The following MYRIP variants were observed in gnomAD, a reference collection of about 807,000 sequenced individuals.
MYRIP encodes rab effector MyRIP.
A neutral mutation model predicts 98.0 loss-of-function variants in MYRIP; 49 were observed. That is an observed-to-expected ratio of 0.50 (90% CI 0.40 to 0.63). MYRIP has a LOEUF of 0.63. Among genes scored for constraint, MYRIP ranks in the 30% least tolerant of loss-of-function variants. The pLI, the probability that MYRIP is intolerant of heterozygous loss-of-function variation, is 0.00. For missense variants in MYRIP, 1,004 were observed against 1,058.2 expected, an observed-to-expected ratio of 0.95 and a Z score of 0.71; for synonymous variants, 404 against 409.5, an observed-to-expected ratio of 0.99 and a Z score of 0.16.
At chr3:40,070,084 C>T (rs554395458) in intron 3 of MYRIP, among the ~76,000 whole-genome samples, 13 of 152,162 alleles carry the variant, frequency 8.5e-5, no homozygotes, top group African/African-American at 3.1e-4. Context: ...GTGAATGACA[C>T]AATTTCAGAC....
intron 3 of MYRIP, among the ~76,000 whole-genome samples, chr3:40,075,651 C>T (rs1030385197): frequency 4.6e-5 from 7 of 151,950 alleles, no homozygotes; most frequent in African/African-American, 1.7e-4. Flanking sequence ...AATAATCTTT[C>T]AGTAAATATT....
chr3:40,129,387 G>C (rs1232262239), intron 3 of MYRIP, among the ~76,000 whole-genome samples: 1 of 129,364 alleles, frequency 7.7e-6, no homozygotes, highest in African/African-American at 3.0e-5. Flanking sequence ...GTTGCAGTGA[G>C]CCGAGATAAA....
At chr3:40,077,490 C>A (rs1948373036) in intron 3 of MYRIP, among the ~76,000 whole-genome samples, 1 of 152,186 alleles carries the variant, frequency 6.6e-6, no homozygotes, top group South Asian at 2.1e-4. Context: ...CAAGGCCCCA[C>A]CAGATTAGCT....
intron 3 of MYRIP, among the ~76,000 whole-genome samples, chr3:40,049,477 G>T (rs1314197903): frequency 6.6e-6 from 1 of 151,958 alleles, no homozygotes; most frequent in Non-Finnish European, 1.5e-5. Context: ...TATAAGACAG[G>T]ACAAACTTAA....
At chr3:40,122,497 A>G (rs1401544422) in intron 3 of MYRIP, among the ~76,000 whole-genome samples, 4 of 151,788 alleles carry the variant, frequency 2.6e-5, no homozygotes, top group Non-Finnish European at 5.9e-5. Context: ...CCAGATTATC[A>G]TAAAGATAAT....
intron 2 of MYRIP, among the ~76,000 whole-genome samples, chr3:39,935,199 A>G (rs1038168364): frequency 4.6e-5 from 7 of 152,202 alleles, no homozygotes; most frequent in Non-Finnish European, 8.8e-5. Context: ...TACAGGGTTC[A>G]GGGACGGGGC....
At chr3:40,219,213 C>G (rs1165299640) in intron 11 of MYRIP, among the ~76,000 whole-genome samples, 2 of 152,056 alleles carry the variant, frequency 1.3e-5, no homozygotes, top group Non-Finnish European at 2.9e-5. Flanking sequence ...AAAGAAGCTA[C>G]ACAATTACTA....
intron 2 of MYRIP, among the ~76,000 whole-genome samples, chr3:39,995,628 A>G (rs900830151): frequency 3.6e-4 from 55 of 152,340 alleles, no homozygotes; most frequent in East Asian, 3.9e-4. Flanking sequence ...TATTATACAG[A>G]AGAACTTCCC....
At chr3:40,052,672 C>G (rs1947815558) in intron 3 of MYRIP, among the ~76,000 whole-genome samples, 1 of 152,036 alleles carries the variant, frequency 6.6e-6, no homozygotes, top group Non-Finnish European at 1.5e-5. Flanking sequence ...GTTTGAAAAC[C>G]TACAACTGAT....
chr3:40,112,932 C>T lies in MYRIP; in HGVS notation c.333-38116C>T, dbSNP rs546750471. ...AGAAACTATTAAAATCTATTATATC[C>T]CTCCTTTCTCTCGAGCCTGATCTCA... is the stretch of plus-strand genomic sequence containing the variant. On this transcript the variant is annotated intron_variant, in intron 3 of 16. Coordinates refer to ENST00000302541, the MANE Select transcript of MYRIP (RefSeq NM_015460.4). Among the ~76,000 whole-genome samples, 157 of 152,240 alleles carry T rather than the reference C, an allele frequency of 1.0e-3. 1 individual carries two copies. The highest frequency in any genetic ancestry group is 1.8e-3 in the Non-Finnish European group (120 of 68,020).
Position 40,123,077 on chromosome 3 carries a change from A to G in MYRIP, c.333-27971A>G, listed in dbSNP as rs1044601442. ...TACATCTAATTTACAAAAAGCAGCC[A>G]ATGATTTGGCTTTTGACTATTGTAA... On this transcript the variant is annotated intron_variant, in intron 3 of 16. Transcript: ENST00000302541. Among the ~76,000 whole-genome samples, 57 of 152,216 alleles carry G rather than the reference A, an allele frequency of 3.7e-4. 1 individual carries two copies. The highest frequency in any genetic ancestry group is 3.7e-3 in the Admixed American group (57 of 15,284).
intron 10 of MYRIP, among the ~76,000 whole-genome samples, chr3:40,194,736 G>A (rs1951342958): frequency 6.6e-6 from 1 of 152,012 alleles, no homozygotes; most frequent in African/African-American, 2.4e-5. Flanking sequence ...TACTTTCAGT[G>A]AAGTTTTATA....
intron 12 of MYRIP, among the ~76,000 whole-genome samples, chr3:40,241,797 A>C (rs1559472528): frequency 6.6e-6 from 1 of 152,208 alleles, no homozygotes; most frequent in Non-Finnish European, 1.5e-5. Context: ...GTTCTCACCA[A>C]AAGTGGACCT....
At chr3:40,135,893 T>C (rs1045913875) in intron 3 of MYRIP, among the ~76,000 whole-genome samples, 2 of 152,080 alleles carry the variant, frequency 1.3e-5, no homozygotes, top group Non-Finnish European at 2.9e-5. Context: ...GCACTAAACA[T>C]GGAAAGGAAC....
chr3:40,209,295 C>A (rs572618017), intron 10 of MYRIP: 2 of 152,638 alleles, frequency 1.3e-5, no homozygotes, highest in South Asian at 2.1e-4. Flanking sequence ...CACAATGAGA[C>A]CCTGTCTCTA....
intron 3 of MYRIP, among the ~76,000 whole-genome samples, chr3:40,098,952 G>A (rs1392335028): frequency 6.6e-6 from 1 of 151,976 alleles, no homozygotes; most frequent in Non-Finnish European, 1.5e-5. Context: ...CATTTGATTA[G>A]GAATTTCAAG....
intron 2 of MYRIP, among the ~76,000 whole-genome samples, chr3:40,011,886 AT>A (rs1351716122): frequency 5.3e-5 from 8 of 152,206 alleles, no homozygotes; most frequent in African/African-American, 1.9e-4. Flanking sequence ...AGAGGAATCC[AT>A]TTAAAAAAAT....
intron 3 of MYRIP, among the ~76,000 whole-genome samples, chr3:40,129,440 CAAAAAAAAAAAAAAAAAAAAAAA>C (rs386396419): frequency 1.4e-4 from 4 of 29,356 alleles, no homozygotes; most frequent in African/African-American, 4.0e-4. Flanking sequence ...GACTCTGTCT[CAAAAAAAAAAAAAAAAAAAAAAA>C]AAAAAAAAAA....
chr3:40,113,744 C>T (rs1272115316), intron 3 of MYRIP, among the ~76,000 whole-genome samples: 2 of 152,158 alleles, frequency 1.3e-5, no homozygotes, highest in African/African-American at 4.8e-5. Flanking sequence ...GGCCAGACAG[C>T]AGTGGTGCTA....
Sources: gnomAD v4.1 joint callset for allele counts (sites outside exome capture counted in the v4.1 genomes callset) on GRCh38, gnomAD v4.1.1 for gene constraint, MANE v1.5 for transcripts, NCBI Gene and HGNC (gene_info 2026-07-23, HGNC 2026-07-21) for gene names.